Variants in L3MBTL4 observed in about 807,000 individuals in gnomAD.
L3MBTL4 encodes the protein lethal(3)malignant brain tumor-like protein 4.
Under a neutral mutation model 84.5 loss-of-function variants are expected in L3MBTL4, and 70 were observed. The ratio of observed to expected loss-of-function variants is 0.83; its 90% CI spans 0.68 to 1.01. The LOEUF is 1.01. Among genes scored for constraint, L3MBTL4 ranks in the 50% least tolerant of loss-of-function variants. L3MBTL4 has a pLI of 0.00. For synonymous variants in L3MBTL4, 274 were observed against 259.8 expected (o/e 1.05, Z -0.52); for missense variants, 715 against 754.8 (o/e 0.95, Z 0.62).
intron 16 of L3MBTL4, among the ~76,000 whole-genome samples, chr18:6,072,076 T>C (rs1194853946): frequency 1.3e-5 from 2 of 152,176 alleles, no homozygotes; most frequent in South Asian, 2.1e-4. Flanking sequence ...AGAAATAAAA[T>C]ACATATTTCA....
intron 1 of L3MBTL4, among the ~76,000 whole-genome samples, chr18:6,324,643 T>C (rs2051618290): frequency 6.6e-6 from 1 of 152,196 alleles, no homozygotes; most frequent in South Asian, 2.1e-4. Context: ...CACGCTTTAG[T>C]TAGCCTCTGC....
chr18:6,322,310 TCTGGGTGACAGAGTGAGACC>T (rs1207223499), intron 1 of L3MBTL4, among the ~76,000 whole-genome samples: 1 of 150,876 alleles, frequency 6.6e-6, no homozygotes, highest in African/African-American at 2.4e-5. Flanking sequence ...TCCACTCCAT[TCTGGGTGACAGAGTGAGACC>T]CTGTCTCAAA....
chr18:6,279,055 C>A (rs537344659), intron 4 of L3MBTL4, among the ~76,000 whole-genome samples: 1 of 151,990 alleles, frequency 6.6e-6, no homozygotes, highest in Non-Finnish European at 1.5e-5. Flanking sequence ...TGAAGGACAG[C>A]CAAGTGGAAT....
chr18:5,978,438 C>A (rs1015748240), intron 16 of L3MBTL4, among the ~76,000 whole-genome samples: 1 of 152,120 alleles, frequency 6.6e-6, no homozygotes, highest in African/African-American at 2.4e-5. Flanking sequence ...TTATTTTGAT[C>A]GATACTACAC....
At chr18:6,075,255 C>T (rs1221520502) in intron 16 of L3MBTL4, among the ~76,000 whole-genome samples, 9 of 152,050 alleles carry the variant, frequency 5.9e-5, no homozygotes, top group African/African-American at 9.7e-5. Context: ...AATGGAGGAG[C>T]GGCATTCTTA....
intron 14 of L3MBTL4, among the ~76,000 whole-genome samples, chr18:6,120,359 C>G (rs547925122): frequency 6.6e-6 from 1 of 152,292 alleles, no homozygotes; most frequent in Non-Finnish European, 1.5e-5. Context: ...AGGATGCCAC[C>G]TCCCAGCTTG....
chr18:6,351,875 A>G (rs1038214170), intron 1 of L3MBTL4, among the ~76,000 whole-genome samples: 4 of 151,970 alleles, frequency 2.6e-5, no homozygotes, highest in African/African-American at 2.4e-5. Context: ...TTTAAGAGAC[A>G]GGGTCTCAAT....
intron 1 of L3MBTL4, among the ~76,000 whole-genome samples, chr18:6,387,357 C>G (rs1300898760): frequency 6.6e-6 from 1 of 152,170 alleles, no homozygotes; most frequent in Admixed American, 6.5e-5. Flanking sequence ...TCTTACCAGT[C>G]TTCCCAGAAA....
At chr18:6,401,966 G>A (rs768044878) in intron 1 of L3MBTL4, among the ~76,000 whole-genome samples, 13 of 152,304 alleles carry the variant, frequency 8.5e-5, no homozygotes, top group African/African-American at 2.6e-4. Flanking sequence ...TCAAGGAAGC[G>A]GAGACATAAC....
chr18:6,243,506 T>C, intron 6 of L3MBTL4, 77 bp from the exon 7 acceptor site: 1 of 1,281,982 alleles, frequency 7.8e-7, no homozygotes, highest in Non-Finnish European at 1.1e-6. Context: ...AAAATATTCA[T>C]ATATTTTGTC....
In L3MBTL4 at chr18:6,220,536, A is replaced by G. The variant is rs558720946; in HGVS notation, c.785-4701T>C. ...AATAGGGAGCCCCCCTCCCAAATGT[A>G]TGTGCCCTTCCTAACCCCATTACTT... On this transcript the variant is annotated intron_variant, in intron 10 of 18. Transcript: ENST00000317931. 9.9e-4 allele frequency among the ~76,000 whole-genome samples: 151 copies of G among 152,186 alleles called. 1 individual carries two copies. Among genetic ancestry groups the G allele is most frequent in the Non-Finnish European group, 1.5e-3 (100 of 68,018 alleles).
At chr18:6,246,565 T>C (rs1368667550) in intron 5 of L3MBTL4, among the ~76,000 whole-genome samples, 1 of 152,216 alleles carries the variant, frequency 6.6e-6, no homozygotes, top group Admixed American at 6.5e-5. Context: ...TAATATTGCT[T>C]AACATCTGAA....
intron 12 of L3MBTL4, among the ~76,000 whole-genome samples, chr18:6,196,550 T>C (rs2045406131): frequency 6.6e-6 from 1 of 152,212 alleles, no homozygotes; most frequent in Admixed American, 6.5e-5. Context: ...GTTCAAATTC[T>C]GAATTGAATA....
At chr18:6,406,970 AGT>A (rs750057085) in intron 1 of L3MBTL4, among the ~76,000 whole-genome samples, 13 of 152,240 alleles carry the variant, frequency 8.5e-5, no homozygotes, top group Non-Finnish European at 1.9e-4. Context: ...CTTTCAAAGC[AGT>A]GCCTACTAAC....
At chr18:6,035,566 T>C (rs992111863) in intron 16 of L3MBTL4, among the ~76,000 whole-genome samples, 1 of 152,198 alleles carries the variant, frequency 6.6e-6, no homozygotes, top group Non-Finnish European at 1.5e-5. Context: ...GTAGTATAGT[T>C]TGAAGTCAGG....
chr18:6,121,281 T>G (rs1338811890), intron 14 of L3MBTL4, among the ~76,000 whole-genome samples: 1 of 152,218 alleles, frequency 6.6e-6, no homozygotes, highest in Non-Finnish European at 1.5e-5. Context: ...CCTCAGCCAC[T>G]GCTATCAAGA....
rs60257178 is a variant in L3MBTL4 at position 6,072,697 on chromosome 18, C to CAA, written c.1444+8182_1444+8183dup. Among the ~76,000 whole-genome samples, 918 of 143,156 alleles carry CAA rather than the reference C, an allele frequency of 6.4e-3. 6 individuals are homozygous for CAA. The highest frequency in any genetic ancestry group is 0.011 in the Non-Finnish European group (737 of 65,864). 93.9% of individuals were successfully genotyped at this position (143,156 alleles called of 152,430 possible). ...CTACTAAAAAACACACACACACACA[C>CAA]AAAAAAAAATTAGCTGGGCGTAGTG... On this transcript the variant is annotated intron_variant, in intron 16 of 18. Transcript: ENST00000317931.
intron 14 of L3MBTL4, among the ~76,000 whole-genome samples, chr18:6,096,215 T>C (rs1466101960): frequency 6.6e-6 from 1 of 152,302 alleles, no homozygotes; most frequent in African/African-American, 2.4e-5. Context: ...GTTATAGTCA[T>C]CAGTATTTGC....
intron 15 of L3MBTL4, among the ~76,000 whole-genome samples, chr18:6,087,387 C>T (rs1320668313): frequency 1.3e-5 from 2 of 152,134 alleles, no homozygotes; most frequent in African/African-American, 4.8e-5. Flanking sequence ...AATTCTTTGG[C>T]ATTGGTGTCC....
Sources: allele counts gnomAD v4.1 joint callset (sites outside exome capture counted in the v4.1 genomes callset), GRCh38; gene constraint gnomAD v4.1.1; transcripts MANE v1.5; gene names NCBI Gene and HGNC (gene_info 2026-07-23, HGNC 2026-07-21).